Variants in UGT1A10 observed in about 807,000 individuals in gnomAD.
The protein encoded by UGT1A10 is UDP glucuronosyltransferase family 1 member A10, also known as UDP-glucuronosyltransferase 1A10.
UGT1A10 carries 49 observed loss-of-function variants against 45.8 expected under a neutral mutation model. That is an observed-to-expected ratio of 1.07 (90% CI 0.85 to 1.36). UGT1A10 has a LOEUF of 1.36. Among genes scored for constraint, UGT1A10 ranks in the 40% most tolerant of loss-of-function variants. The pLI, the probability that UGT1A10 is intolerant of heterozygous loss-of-function variation, is 0.00. For synonymous variants in UGT1A10, 284 were observed against 249.7 expected, an observed-to-expected ratio of 1.14 and a Z score of -1.29; for missense variants, 745 against 668.6, an observed-to-expected ratio of 1.11 and a Z score of -1.26.
Position 233,637,380 on chromosome 2 carries a change from A to T in UGT1A10, c.855+3A>T. Reference sequence around the variant, plus strand: ...ATCAGGGAAAGCCATTGCCTATGGTAAGTCACCTCTCCTTTAGCACATTAA... The same window carrying T: ...ATCAGGGAAAGCCATTGCCTATGGTTAGTCACCTCTCCTTTAGCACATTAA... On this transcript the variant is annotated splice_donor_region_variant and intron_variant, in intron 1 of 4. Coordinates refer to ENST00000344644, the MANE Select transcript of UGT1A10 (RefSeq NM_019075.4). 1.2e-6 allele frequency: 2 copies of T among 1,611,394 alleles called. No homozygotes were observed. Among genetic ancestry groups the T allele is most frequent in the Non-Finnish European group, 1.7e-6 (2 of 1,178,100 alleles).
intron 1 of UGT1A10, among the ~76,000 whole-genome samples, chr2:233,722,626 G>T (rs1272001840): frequency 1.3e-5 from 2 of 152,128 alleles, no homozygotes; most frequent in African/African-American, 4.8e-5. Context: ...TCTTAATGAA[G>T]CATTGAGGGC....
chr2:233,639,019 C>G (rs991489168), intron 1 of UGT1A10, among the ~76,000 whole-genome samples: 1 of 152,262 alleles, frequency 6.6e-6, no homozygotes, highest in Non-Finnish European at 1.5e-5. Context: ...AGCCTTCGGC[C>G]GAGTTGAGGA....
intron 1 of UGT1A10, among the ~76,000 whole-genome samples, chr2:233,762,570 C>A (rs1698104527): frequency 6.6e-6 from 1 of 152,154 alleles, no homozygotes; most frequent in South Asian, 2.1e-4. Flanking sequence ...TAGTCTAGTT[C>A]CCCACAGAGG....
At chr2:233,672,628 T>G (rs2074233711) in intron 1 of UGT1A10, 2 of 1,613,798 alleles carry the variant, frequency 1.2e-6, no homozygotes. Flanking sequence ...AGAAATAGCC[T>G]CTGAAATTCT....
intron 1 of UGT1A10, chr2:233,755,429 C>T (rs1352884628): frequency 3.1e-6 from 1 of 319,032 alleles, no homozygotes; most frequent in Non-Finnish European, 6.1e-6. Flanking sequence ...CGCCTCGCAT[C>T]CCAAGATGCA....
intron 1 of UGT1A10, among the ~76,000 whole-genome samples, chr2:233,711,847 GC>G: frequency 6.6e-6 from 1 of 152,180 alleles, no homozygotes; most frequent in Non-Finnish European, 1.5e-5. Context: ...CAGCAATCTT[GC>G]CAAGCACAAG....
chr2:233,679,009 C>T (rs942961377), intron 1 of UGT1A10, among the ~76,000 whole-genome samples: 1 of 152,216 alleles, frequency 6.6e-6, no homozygotes, highest in Non-Finnish European at 1.5e-5. Context: ...GTGGCATCTT[C>T]AGTGGTGTAA....
At chr2:233,665,250 T>C (rs17863773) in intron 1 of UGT1A10, among the ~76,000 whole-genome samples, 23,161 of 152,268 alleles carry the variant, frequency 0.15, 1,844 homozygotes, top group Non-Finnish European at 0.18. Context: ...TTGGATTTAA[T>C]GTAGTTTTTT....
rs572292446 is a variant in UGT1A10, at chr2:233,711,883, C to T, written c.856-55151C>T. On this transcript the variant is annotated intron_variant, in intron 1 of 4. Transcript: ENST00000344644. ...GTATGAGTGACTTTCTGGAGCAGGA[C>T]GAGTCTCATGGGCGTGAGACCATTG... is the stretch of plus-strand genomic sequence containing the variant. Among the ~76,000 whole-genome samples the T allele has an allele frequency of 3.3e-5, 5 of 152,278 alleles. No homozygotes were observed. In the South Asian group the frequency reaches 8.3e-4, roughly 25 times the overall value.
intron 1 of UGT1A10, among the ~76,000 whole-genome samples, chr2:233,651,443 G>A (rs1382538376): frequency 6.6e-6 from 1 of 152,002 alleles, no homozygotes; most frequent in Non-Finnish European, 1.5e-5. Context: ...ATGTTTTTTT[G>A]TATGTATTAA....
chr2:233,756,447 C>T (rs1249165740), intron 1 of UGT1A10: 1 of 151,922 alleles, frequency 6.6e-6, no homozygotes, highest in Non-Finnish European at 1.5e-5. Context: ...TTGTTCCCCC[C>T]AAATATTTTC....
chr2:233,706,754 C>T (rs6725478), intron 1 of UGT1A10, among the ~76,000 whole-genome samples: 64,190 of 151,890 alleles, frequency 0.42, 14,632 homozygotes, highest in African/African-American at 0.59. Context: ...AGCAGAGTGC[C>T]GTACACTGGT....
chr2:233,758,803 T>C (rs554075465), intron 1 of UGT1A10, among the ~76,000 whole-genome samples: 1 of 152,342 alleles, frequency 6.6e-6, no homozygotes, highest in Admixed American at 6.5e-5. Context: ...TGGAATTGTA[T>C]AGTACAGCAG....
At chr2:233,746,652 G>C (rs889917694) in intron 1 of UGT1A10, among the ~76,000 whole-genome samples, 17 of 151,768 alleles carry the variant, frequency 1.1e-4, no homozygotes, top group African/African-American at 3.7e-4. Context: ...TTGGCTTTCT[G>C]TCCCGAGTTC....
chr2:233,680,763 A>C (rs931000603), intron 1 of UGT1A10, among the ~76,000 whole-genome samples: 8 of 152,166 alleles, frequency 5.3e-5, no homozygotes, highest in African/African-American at 1.9e-4. Flanking sequence ...AGATTCCTGA[A>C]GATGAGCACC....
chr2:233,708,091 G>A (rs778957323), intron 1 of UGT1A10, among the ~76,000 whole-genome samples: 2 of 152,112 alleles, frequency 1.3e-5, no homozygotes, highest in Non-Finnish European at 2.9e-5. Context: ...TTATTCAAAC[G>A]AATTAGAATA....
chr2:233,651,912 A>G (rs1031141521), intron 1 of UGT1A10, among the ~76,000 whole-genome samples: 26 of 152,308 alleles, frequency 1.7e-4, no homozygotes, highest in Admixed American at 1.3e-4. Context: ...ATCCAGGGGA[A>G]TTACATCCAA....
intron 1 of UGT1A10, among the ~76,000 whole-genome samples, chr2:233,684,051 T>C (rs2074661509): frequency 6.6e-6 from 1 of 152,208 alleles, no homozygotes; most frequent in South Asian, 2.1e-4. Context: ...GTGAAACACC[T>C]GGTGTCTGAT....
At position 233,704,041 on chromosome 2, in the gene UGT1A10, C is replaced by A. The variant is rs141937060; in HGVS notation, c.856-62993C>A. On this transcript the variant is annotated intron_variant, in intron 1 of 4. Coordinates refer to ENST00000344644, the MANE Select transcript of UGT1A10 (RefSeq NM_019075.4). ...GAGCAGCTGGAACTACAGGTGTGCA[C>A]CAACATGCCTGGCTAATTTTTGTAT... Among the ~76,000 whole-genome samples, 1,273 of 152,104 alleles carry A rather than the reference C, an allele frequency of 8.4e-3. 25 individuals are homozygous for A. Among genetic ancestry groups the A allele is most frequent in the African/African-American group, 0.029 (1,206 of 41,484 alleles).
Sources: allele counts gnomAD v4.1 joint callset (sites outside exome capture counted in the v4.1 genomes callset), GRCh38; gene constraint gnomAD v4.1.1; transcripts MANE v1.5; gene names NCBI Gene and HGNC (gene_info 2026-07-23, HGNC 2026-07-21).